Variants in DNAH1 observed in about 807,000 individuals in gnomAD.
DNAH1 encodes the protein axonemal beta dynein heavy chain 1.
Under a neutral mutation model 484.3 loss-of-function variants are expected in DNAH1, and 327 were observed. The observed-to-expected ratio is 0.68, with a 90% CI of 0.62 to 0.74. The LOEUF is 0.74. DNAH1 is among the 30% of genes least tolerant of loss of function. The pLI is 0.00. For missense variants in DNAH1, 5,052 were observed against 5,546.8 expected (o/e 0.91, Z 2.83); for synonymous variants, 2,192 against 2,191.9 (o/e 1.00, Z 0.00).
In DNAH1 at chr3:52,381,945, G is replaced by A. The variant is rs947352468; in HGVS notation, c.7805+109G>A. ...AGAGGCCTCGGGCAACCCTGAAGTA[G>A]GCCCGTGCAGCCTACAGGCTTCTGG... On this transcript the variant is annotated intron_variant, in intron 49 of 77. Coordinates refer to ENST00000420323, the MANE Select transcript of DNAH1 (RefSeq NM_015512.5). The surrounding 1 kb of genome is among the most constrained non-coding windows in gnomAD (Gnocchi z 4.1). The A allele has an allele frequency of 3.8e-5, 46 of 1,195,346 alleles. No homozygotes were observed. Among genetic ancestry groups the A allele is most frequent in the Non-Finnish European group, 4.8e-5 (42 of 870,332 alleles). The allele number at this position is 1,195,346 out of a possible 1,614,324, so 74.0% of individuals were successfully genotyped here. A position where few individuals can be genotyped will look rare whatever the true frequency, so the allele number is the denominator to read the frequency against.
chr3:52,359,709 C>T (rs1262821051), intron 26 of DNAH1, among the ~76,000 whole-genome samples: 1 of 152,240 alleles, frequency 6.6e-6, no homozygotes. Flanking sequence ...GACAGCACGA[C>T]ATGCTGCAGG....
In DNAH1 at chr3:52,392,931, G is replaced by GCCA; in HGVS notation, c.10380_10381insCCA (p.Val3460_Ser3461insPro). The GCCA allele has an allele frequency of 6.2e-7, 1 of 1,613,440 alleles. No individual in the cohort carries two copies. Among genetic ancestry groups the GCCA allele is most frequent in the East Asian group, 2.2e-5 (1 of 44,842 alleles). On this transcript the variant is annotated inframe_insertion, in exon 65 of 78. Transcript: ENST00000420323. Reference sequence around the variant, plus strand: ...GCACCCAGATCCTCTTCTTCTGTGTGTCCGACCTGGCCAACGTGGACCCCA... The same window carrying GCCA: ...GCACCCAGATCCTCTTCTTCTGTGTGCCATCCGACCTGGCCAACGTGGACCCCA...
chr3:52,330,698 C>T (rs1188484258), intron 6 of DNAH1, among the ~76,000 whole-genome samples: 1 of 152,158 alleles, frequency 6.6e-6, no homozygotes, highest in Non-Finnish European at 1.5e-5. Flanking sequence ...GCCCTGTTCT[C>T]AGATGAGGGG....
At chr3:52,351,855 C>G (rs1702395842) in intron 16 of DNAH1, 107 bp from the exon 17 acceptor site, 2 of 1,372,958 alleles carry the variant, frequency 1.5e-6, no homozygotes, top group South Asian at 2.7e-5. Flanking sequence ...CCCTGAACCC[C>G]TTCTCACTGG....
chr3:52,368,395 C>T lies in DNAH1; in HGVS notation c.5766-346C>T, dbSNP rs1703172728. ...GAGGCAGGACCTGGCCACTTCTCAC[C>T]ACGCTGCTTTCTCTGCCCTGTCATT... is the stretch of plus-strand genomic sequence containing the variant. On this transcript the variant is annotated intron_variant, in intron 36 of 77. Transcript: ENST00000420323. The surrounding 1 kb of genome is among the most constrained non-coding windows in gnomAD (Gnocchi z 4.4). Among the ~76,000 whole-genome samples, 1 of 152,152 alleles carries T rather than the reference C, an allele frequency of 6.6e-6. No homozygotes were observed. The highest frequency in any genetic ancestry group is 1.5e-5 in the Non-Finnish European group (1 of 68,034).
At chr3:52,399,504 G>A (rs1377676180) in intron 76 of DNAH1, 41 bp from the exon 77 acceptor site, 1 of 1,529,912 alleles carries the variant, frequency 6.5e-7, no homozygotes, top group Non-Finnish European at 8.9e-7. Flanking sequence ...CAGATTCTGG[G>A]TATTGTTATG....
Position 52,345,512 on chromosome 3 carries a change from A to C in DNAH1, c.1462A>C (p.Lys488Gln), listed in dbSNP as rs200741498. The C allele has an allele frequency of 1.2e-5, 19 of 1,568,662 alleles. No individual in the cohort carries two copies. In the African/African-American group the frequency reaches 2.4e-4, roughly 20 times the overall value. Residue 488 changes from lysine (K) to glutamine (Q), a missense_variant, in exon 10 of 78, where the codon AAG becomes CAG. Around this residue, in one of 4 missense-constraint regions of DNAH1, gnomAD observed 1,263 missense variants for 1,218.8 expected, o/e 1.04. Coordinates refer to ENST00000420323, the MANE Select transcript of DNAH1 (RefSeq NM_015512.5). ...CCCTGCAGGGCTGGTGAGTGTCCCC[A>C]AGTACCACTTCTGGGAGCAGAAGGA... Reference protein sequence around the residue: ...VPERGLVSVPKYHFWEQKEDF... With the variant: ...VPERGLVSVPQYHFWEQKEDF...
At chr3:52,359,610 G>T (rs1702770700) in intron 26 of DNAH1, among the ~76,000 whole-genome samples, 3 of 152,216 alleles carry the variant, frequency 2.0e-5, no homozygotes, top group African/African-American at 7.2e-5. Flanking sequence ...GGAGCCACGC[G>T]CCTGGTCCCT....
rs570844763 is a variant in DNAH1 at position 52,391,227 on chromosome 3, C to T, written c.9790C>T (p.Leu3264=). ...DVFKLSDRDF[L]RSMENAIRFG... ...GTTCAAGTTGAGTGACCGCGACTTCCTGCGCAGCATGGAGAACGCCATCCG... is the reference window on the plus strand; with the variant it reads ...GTTCAAGTTGAGTGACCGCGACTTCTTGCGCAGCATGGAGAACGCCATCCG... The change falls in exon 62 of 78, where the codon CTG becomes TTG. Residue 3264 remains leucine, a synonymous_variant. Coordinates refer to ENST00000420323, the MANE Select transcript of DNAH1 (RefSeq NM_015512.5). 1 of 1,613,890 alleles carries T rather than the reference C, an allele frequency of 6.2e-7. No homozygotes were observed. The highest frequency in any genetic ancestry group is 1.3e-5 in the African/African-American group (1 of 75,054).
Position 52,372,936 on chromosome 3 carries a change from ATCT to A in DNAH1, c.6874_6876del (p.Phe2292del), listed in dbSNP as rs747754003. ...TGGACCACCTCTGGGGCGCAACTTTATCTTCTTCATCGATGACCTGAACATGCC... is the reference window on the plus strand; with the variant it reads ...TGGACCACCTCTGGGGCGCAACTTTATCTTCATCGATGACCTGAACATGCC... On this transcript the variant is annotated inframe_deletion, in exon 44 of 78. Coordinates refer to ENST00000420323, the MANE Select transcript of DNAH1 (RefSeq NM_015512.5). The A allele has an allele frequency of 1.9e-6, 3 of 1,613,568 alleles. No individual in the cohort carries two copies. In the South Asian group the frequency reaches 3.3e-5, roughly 18 times the overall value.
intron 1 of DNAH1, among the ~76,000 whole-genome samples, chr3:52,321,118 T>C (rs1359647405): frequency 1.5e-4 from 20 of 132,612 alleles, no homozygotes. Context: ...CTTTTTTCTT[T>C]TTTCTTTTTT....
chr3:52,397,905 A>G, intron 74 of DNAH1, 28 bp downstream of exon 74: 2 of 1,582,130 alleles, frequency 1.3e-6, no homozygotes, highest in South Asian at 1.2e-5. Context: ...AAGGGGCCCA[A>G]GGGCTGGACG....
chr3:52,370,513 A>T lies in DNAH1; in HGVS notation c.6295A>T (p.Ile2099Phe), dbSNP rs1192323675. 6.2e-7 allele frequency: 1 copy of T among 1,613,996 alleles called. No individual in the cohort carries two copies. The highest frequency in any genetic ancestry group is 2.2e-5 in the East Asian group (1 of 44,880). Residue 2099 changes from isoleucine (I) to phenylalanine (F), a missense_variant, in exon 40 of 78, where the codon ATC becomes TTC. Ile to Phe is a conservative substitution (Grantham distance 21). Around this residue, in one of 4 missense-constraint regions of DNAH1, gnomAD observed 2,929 missense variants for 3,409.4 expected, o/e 0.86. Transcript: ENST00000420323. ...KKIPSEKLSR[I>F]VELIEPWFIF... Reference sequence around the variant, plus strand: ...AATACCCTCTGAAAAGCTGAGTCGCATCGTAGAGTTGATCGAGCCCTGGTT... The same window carrying T: ...AATACCCTCTGAAAAGCTGAGTCGCTTCGTAGAGTTGATCGAGCCCTGGTT...
Position 52,349,099 on chromosome 3 carries a change from T to C in DNAH1, c.2300+18T>C. The C allele has an allele frequency of 6.2e-7, 1 of 1,612,972 alleles. No individual in the cohort carries two copies. The highest frequency in any genetic ancestry group is 1.1e-5 in the South Asian group (1 of 91,084). ...TTTCTCAAGTGCGTACGTGTGCCCA[T>C]GCACGTCGGAGGGTGTCTGTGTGTT... On this transcript the variant is annotated intron_variant, in intron 13 of 77. Coordinates refer to ENST00000420323, the MANE Select transcript of DNAH1 (RefSeq NM_015512.5).
chr3:52,359,579 C>G (rs1702769166), intron 26 of DNAH1, among the ~76,000 whole-genome samples, 193 bp downstream of exon 26: 1 of 152,200 alleles, frequency 6.6e-6, no homozygotes, highest in Non-Finnish European at 1.5e-5. Context: ...AGGCGATGCC[C>G]CCTCTGCAAG....
chr3:52,392,501 G>A lies in DNAH1; in HGVS notation c.10090G>A (p.Glu3364Lys). The A allele has an allele frequency of 1.2e-6, 2 of 1,613,908 alleles. No homozygotes were observed. The highest frequency in any genetic ancestry group is 1.7e-4 in the Middle Eastern group (1 of 6,012). ...CCAGCTACTGGGCCAGGTAGTGGCAGAGGAGCGACCCGACCTGGAGGAGGC... is the reference window on the plus strand; with the variant it reads ...CCAGCTACTGGGCCAGGTAGTGGCAAAGGAGCGACCCGACCTGGAGGAGGC... The part of the protein sequence containing the change: ...EDQLLGQVVA[E>K]ERPDLEEAKN... The change falls in exon 64 of 78, where the codon GAG becomes AAG. Residue 3364 changes from glutamate to lysine, a missense_variant. Around this residue, in one of 4 missense-constraint regions of DNAH1, gnomAD observed 2,929 missense variants for 3,409.4 expected, o/e 0.86. Coordinates refer to ENST00000420323, the MANE Select transcript of DNAH1 (RefSeq NM_015512.5).
chr3:52,362,439 G>A lies in DNAH1; in HGVS notation c.5032G>A (p.Ala1678Thr), dbSNP rs376025716. 30 of 1,613,890 alleles carry A rather than the reference G, an allele frequency of 1.9e-5. No homozygotes were observed. Among genetic ancestry groups the A allele is most frequent in the East Asian group, 6.7e-5 (3 of 44,898 alleles). Residue 1678 changes from alanine to threonine, a missense_variant, in exon 31 of 78, where the codon GCA (alanine) becomes ACA (threonine). Transcript: ENST00000420323. The surrounding 1 kb of genome is among the most constrained non-coding windows in gnomAD (Gnocchi z 5.1). The part of the protein sequence containing the change: ...GVEIPLVPSC[A>T]VFITMNPGYA... ...GGAGATCCCACTGGTGCCATCCTGC[G>A]CAGTGTTTATCACCATGAACCCGGG...
chr3:52,369,300 G>A (rs1442446243), intron 37 of DNAH1, among the ~76,000 whole-genome samples: 1 of 152,182 alleles, frequency 6.6e-6, no homozygotes, highest in African/African-American at 2.4e-5. Context: ...TGTGCACCTG[G>A]CCCTGGCAGT....
Position 52,364,973 on chromosome 3 carries a change from G to A in DNAH1, c.5472G>A (p.Glu1824=). 1 of 1,613,802 alleles carries A rather than the reference G, an allele frequency of 6.2e-7. No homozygotes were observed. The highest frequency in any genetic ancestry group is 8.5e-7 in the Non-Finnish European group (1 of 1,179,736). ...EEDTDYGILD[E]AIREACRNSN... is the part of the protein sequence containing the mutation. The stretch of plus-strand genomic sequence containing the variant: ...ACACGGACTACGGCATCCTGGATGA[G>A]GCCATCCGCGAGGCCTGCAGGAACA... Residue 1824 remains glutamate, a synonymous_variant, in exon 34 of 78, where the codon GAG becomes GAA. Coordinates refer to ENST00000420323, the MANE Select transcript of DNAH1 (RefSeq NM_015512.5). The surrounding 1 kb of genome is among the most constrained non-coding windows in gnomAD (Gnocchi z 4.2).
Sources: allele counts gnomAD v4.1 joint callset (sites outside exome capture counted in the v4.1 genomes callset), GRCh38; gene constraint gnomAD v4.1.1; regional missense constraint gnomAD v4.1.1; non-coding constraint Gnocchi (gnomAD v3.1); transcripts MANE v1.5; gene names NCBI Gene and HGNC (gene_info 2026-07-23, HGNC 2026-07-21).